The following DCAF4 variants were observed in gnomAD, a reference collection of about 807,000 sequenced individuals.
The protein encoded by DCAF4 is DDB1 and CUL4 associated factor 4, also known as DDB1- and CUL4-associated factor 4.
A neutral mutation model predicts 60.9 loss-of-function variants in DCAF4; 37 were observed. The observed-to-expected ratio is 0.61, with a 90% CI of 0.47 to 0.80. DCAF4 has a LOEUF of 0.80. Ranked by LOEUF, DCAF4 falls within the 30% of genes least tolerant of loss-of-function variation. DCAF4 has a pLI of 0.00. For missense variants in DCAF4, 577 were observed against 650.0 expected, an observed-to-expected ratio of 0.89 and a Z score of 1.22; for synonymous variants, 243 against 254.8, an observed-to-expected ratio of 0.95 and a Z score of 0.44.
rs1892158529 is a variant in DCAF4, at chr14:72,955,553, G to A, written c.1036G>A (p.Gly346Arg). The change falls in exon 12 of 14, where the codon GGG becomes AGG. Residue 346 changes from glycine to arginine, a missense_variant. Coordinates refer to ENST00000358377, the MANE Select transcript of DCAF4 (RefSeq NM_015604.4). ...APLLFNGCRS[G>R]EIFAIDLRCG... is the part of the protein sequence containing the mutation. The stretch of plus-strand genomic sequence containing the variant: ...TCTGCTGTTTAATGGCTGCCGCTCT[G>A]GGGAAATCTTTGCCATTGATCTGCG... 1 of 1,613,966 alleles carries A rather than the reference G, an allele frequency of 6.2e-7. No homozygotes were observed. The highest frequency in any genetic ancestry group is 8.5e-7 in the Non-Finnish European group (1 of 1,179,968).
chr14:72,956,686 A>G, intron 13 of DCAF4, 186 bp downstream of exon 13: 1 of 552,652 alleles, frequency 1.8e-6, no homozygotes, highest in Non-Finnish European at 3.3e-6. Flanking sequence ...CAGGAGTGTA[A>G]ATAAATGTCC....
In DCAF4 at chr14:72,956,419, G is replaced by A. The variant is rs140598805; in HGVS notation, c.1213G>A (p.Val405Ile). The A allele has an allele frequency of 1.7e-4, 275 of 1,612,968 alleles. No homozygotes were observed. Among genetic ancestry groups the A allele is most frequent in the Non-Finnish European group, 2.1e-4 (247 of 1,179,540 alleles). ...KLWDLRTTKC[V>I]RQYEGHVNEY... Reference sequence around the variant, plus strand: ...GTGGGACCTGAGGACCACGAAGTGCGTAAGGCAGTACGAAGGCCACGTGAA... The same window carrying A: ...GTGGGACCTGAGGACCACGAAGTGCATAAGGCAGTACGAAGGCCACGTGAA... The change falls in exon 13 of 14, where the codon GTA becomes ATA. Residue 405 changes from valine (V) to isoleucine (I), a missense_variant. Transcript: ENST00000358377.
At chr14:72,961,999 C>T (rs1418683777), downstream of DCAF4, 3 of 1,103,084 alleles carry the variant, frequency 2.7e-6, no homozygotes, top group Non-Finnish European at 3.4e-6. Flanking sequence ...TCTGTTCTAA[C>T]AGCATCTCTT....
At chr14:72,941,591 C>T (rs1454393675) in intron 4 of DCAF4, among the ~76,000 whole-genome samples, 154 bp from the exon 5 acceptor site, 1 of 149,492 alleles carries the variant, frequency 6.7e-6, no homozygotes, top group Non-Finnish European at 1.5e-5. Flanking sequence ...GGAAGGGAGA[C>T]TTGGAAAGGA....
chr14:72,953,732 A>AAAAAAAAATATATATATAT (rs1555527852), intron 9 of DCAF4, among the ~76,000 whole-genome samples: 3 of 21,766 alleles, frequency 1.4e-4, no homozygotes, highest in African/African-American at 2.3e-4. Context: ...AAAAAAAAAA[A>AAAAAAAAATATATATATAT]ATATATATAT....
intron 1 of DCAF4, among the ~76,000 whole-genome samples, chr14:72,937,214 AC>A (rs1889388952): frequency 2.2e-5 from 1 of 46,254 alleles, no homozygotes; most frequent in African/African-American, 6.5e-5. Context: ...GGAGACATTA[AC>A]ATATGGGGGA....
chr14:72,945,844 C>T, intron 6 of DCAF4, 40 bp from the exon 7 acceptor site: 7 of 1,612,962 alleles, frequency 4.3e-6, no homozygotes, highest in Non-Finnish European at 5.9e-6. Context: ...CCACCAGGCG[C>T]AGCCTGGGAC....
chr14:72,956,520 G>A lies in DCAF4; in HGVS notation c.1294+20G>A. The A allele has an allele frequency of 6.3e-7, 1 of 1,596,036 alleles. No individual in the cohort carries two copies. Among genetic ancestry groups the A allele is most frequent in the Admixed American group, 1.7e-5 (1 of 57,218 alleles). ...TGGCAGGTACTTGAGGAAGGAAGGG[G>A]AAGTTCCACCCCATCAAATACTGTC... On this transcript the variant is annotated intron_variant, in intron 13 of 13. Transcript: ENST00000358377.
downstream of DCAF4, chr14:72,959,819 T>A: frequency 3.4e-6 from 1 of 290,108 alleles, no homozygotes; most frequent in Non-Finnish European, 5.1e-6. Flanking sequence ...GACTCACCTC[T>A]GGACTAGGTC....
chr14:72,950,255 C>T (rs951475763), intron 8 of DCAF4, among the ~76,000 whole-genome samples: 10 of 152,056 alleles, frequency 6.6e-5, no homozygotes, highest in African/African-American at 1.7e-4. Context: ...GTGGTGAGGG[C>T]GTGAAACGAG....
At chr14:72,956,646 A>G in intron 13 of DCAF4, 146 bp downstream of exon 13, 1 of 703,160 alleles carries the variant, frequency 1.4e-6, no homozygotes, top group South Asian at 1.6e-5. Context: ...GGAGACTAGG[A>G]GGGAAGTAGA....
In DCAF4 at chr14:72,943,104, G is replaced by A. The variant is rs750628491; in HGVS notation, c.534+8G>A. The A allele has an allele frequency of 1.4e-5, 22 of 1,613,492 alleles. No individual in the cohort carries two copies. In the South Asian group the frequency reaches 2.4e-4, roughly 18 times the overall value. ...CGATTTAACCTCATACTGGTGAGTG[G>A]GAGGGGGACACCTGCCTAGGGTGTG... On this transcript the variant is annotated splice_region_variant and intron_variant, in intron 6 of 13. Coordinates refer to ENST00000358377, the MANE Select transcript of DCAF4 (RefSeq NM_015604.4).
intron 3 of DCAF4, 70 bp from the exon 4 acceptor site, chr14:72,940,150 A>T: frequency 8.8e-6 from 14 of 1,586,638 alleles, no homozygotes; most frequent in Non-Finnish European, 1.2e-5. Context: ...GGGACAGGCC[A>T]CTGGGCGCCC....
chr14:72,961,864 G>A, downstream of DCAF4: 1 of 1,093,182 alleles, frequency 9.1e-7, no homozygotes, highest in Non-Finnish European at 1.1e-6. Context: ...ATCCTCTCCA[G>A]CAGATGGCCA....
At position 72,940,290 on chromosome 14, in the gene DCAF4, C is replaced by A. The variant is rs1473786311; in HGVS notation, c.264C>A (p.Cys88Ter). Reference protein sequence around the residue: ...YFRLLPGHNNCNPLTKESIRQ... With the variant: ...YFRLLPGHNN The stretch of plus-strand genomic sequence containing the variant: ...GCTTGCTCCCTGGACATAACAACTG[C>A]AACCCCCTGACGAAAGAGAGCATCC... Residue 88 changes from cysteine (C) to a stop codon, truncating the protein, a stop_gained, in exon 4 of 14, where the codon TGC (cysteine) becomes TGA (stop). Transcript: ENST00000358377. LOFTEE classifies it high-confidence loss of function. The A allele has an allele frequency of 3.1e-6, 5 of 1,614,184 alleles. No homozygotes were observed. Among genetic ancestry groups the A allele is most frequent in the South Asian group, 1.1e-5 (1 of 91,082 alleles).
chr14:72,929,018 C>T (rs1888118487), intron 1 of DCAF4, among the ~76,000 whole-genome samples: 1 of 152,144 alleles, frequency 6.6e-6, no homozygotes, highest in South Asian at 2.1e-4. Flanking sequence ...GGCTGCCATC[C>T]CCCACACTTG....
intron 1 of DCAF4, among the ~76,000 whole-genome samples, chr14:72,933,236 A>G (rs1318935505): frequency 6.6e-6 from 1 of 152,208 alleles, no homozygotes; most frequent in African/African-American, 2.4e-5. Flanking sequence ...GCACTGATCT[A>G]CAAACTGTGA....
At chr14:72,930,385 C>T (rs532747800) in intron 1 of DCAF4, among the ~76,000 whole-genome samples, 36 of 152,252 alleles carry the variant, frequency 2.4e-4, no homozygotes, top group Non-Finnish European at 4.6e-4. Context: ...TGTTCTGGCT[C>T]AGCCTCCCAA....
intron 1 of DCAF4, among the ~76,000 whole-genome samples, chr14:72,928,841 T>C (rs1888081916): frequency 6.6e-6 from 1 of 152,026 alleles, no homozygotes; most frequent in South Asian, 2.1e-4. Flanking sequence ...ATGGTGAGGC[T>C]CAGCCTGGAA....
Sources: allele counts gnomAD v4.1 joint callset (sites outside exome capture counted in the v4.1 genomes callset), GRCh38; gene constraint gnomAD v4.1.1; transcripts MANE v1.5; gene names NCBI Gene and HGNC (gene_info 2026-07-23, HGNC 2026-07-21).